Variants in DNAH14 observed in about 807,000 individuals in gnomAD.
DNAH14 encodes the protein axonemal beta dynein heavy chain 14.
DNAH14 carries 478 observed loss-of-function variants against 520.9 expected under a neutral mutation model. The ratio of observed to expected loss-of-function variants is 0.92; its 90% CI spans 0.85 to 0.99. The LOEUF is 0.99. Among genes scored for constraint, DNAH14 ranks in the 50% least tolerant of loss-of-function variants. The probability of loss-of-function intolerance (pLI) is 0.00; values close to 1 mark genes in which losing one functional copy is unlikely to be tolerated. For synonymous variants in DNAH14, 1,581 were observed against 1,757.2 expected, an observed-to-expected ratio of 0.90 and a Z score of 2.51; for missense variants, 4,831 against 5,234.5, an observed-to-expected ratio of 0.92 and a Z score of 2.38.
In DNAH14 at chr1:225,053,063, G is replaced by C. The variant is rs376083793; in HGVS notation, c.2424+1268G>C. ...TCCACTTTTAAGGATATTTCCCAGGGGTACCCCCACACTTTTGCTTTTATT... is the reference window on the plus strand; with the variant it reads ...TCCACTTTTAAGGATATTTCCCAGGCGTACCCCCACACTTTTGCTTTTATT... On this transcript the variant is annotated intron_variant, in intron 17 of 85. Coordinates refer to ENST00000682510, the MANE Select transcript of DNAH14 (RefSeq NM_001367479.1). 6.6e-5 allele frequency among the ~76,000 whole-genome samples: 10 copies of C among 152,112 alleles called. No homozygotes were observed. In the East Asian group the frequency reaches 1.7e-3, roughly 27 times the overall value.
intron 43 of DNAH14, among the ~76,000 whole-genome samples, chr1:225,241,940 C>T (rs140473179): frequency 1.3e-5 from 2 of 152,270 alleles, no homozygotes; most frequent in Non-Finnish European, 2.9e-5. Flanking sequence ...TTTCTTTCTT[C>T]AGGCTGTGTG....
At chr1:225,229,736 AG>A (rs919915347) in intron 41 of DNAH14, among the ~76,000 whole-genome samples, 5 of 149,758 alleles carry the variant, frequency 3.3e-5, no homozygotes, top group Non-Finnish European at 5.9e-5. Context: ...TATGGGCACA[AG>A]GGGGGAACAT....
At chr1:225,222,057 G>A (rs369883660) in intron 41 of DNAH14, among the ~76,000 whole-genome samples, 44 of 152,272 alleles carry the variant, frequency 2.9e-4, no homozygotes, top group Middle Eastern at 3.4e-3. Context: ...CCCTAGCCAC[G>A]CTGTCAGGCA....
At chr1:225,051,948 A>G (rs2068578300) in intron 17 of DNAH14, among the ~76,000 whole-genome samples, 153 bp downstream of exon 17, 1 of 152,238 alleles carries the variant, frequency 6.6e-6, no homozygotes, top group Non-Finnish European at 1.5e-5. Context: ...TTATACTCAG[A>G]AAATTTTAAT....
chr1:224,999,123 T>G (rs188193106), intron 8 of DNAH14, among the ~76,000 whole-genome samples: 3 of 148,042 alleles, frequency 2.0e-5, no homozygotes, highest in Non-Finnish European at 4.4e-5. Context: ...TTCCCATCCT[T>G]TTACTTTTGA....
intron 23 of DNAH14, among the ~76,000 whole-genome samples, chr1:225,107,160 T>G (rs1318689522): frequency 6.6e-6 from 1 of 152,204 alleles, no homozygotes; most frequent in Non-Finnish European, 1.5e-5. Flanking sequence ...CCTGTTTGCC[T>G]GGGTATCAGC....
At chr1:225,016,618 T>C (rs1262307316) in intron 10 of DNAH14, among the ~76,000 whole-genome samples, 2 of 152,212 alleles carry the variant, frequency 1.3e-5, no homozygotes, top group Non-Finnish European at 2.9e-5. Context: ...TTAGCTATTA[T>C]TTCATTAAAC....
At chr1:225,353,942 T>C in intron 73 of DNAH14, 54 bp downstream of exon 73, 1 of 1,051,004 alleles carries the variant, frequency 9.5e-7, no homozygotes, top group Non-Finnish European at 1.4e-6. Flanking sequence ...AGTGCTTTAT[T>C]AGTAACTTAA....
intron 66 of DNAH14, among the ~76,000 whole-genome samples, chr1:225,336,115 A>G (rs2095046567): frequency 6.7e-6 from 1 of 149,728 alleles, no homozygotes; most frequent in East Asian, 2.0e-4. Context: ...GTATAAGACT[A>G]CACATATGTA....
At chr1:225,083,398 G>T (rs2073367833) in intron 20 of DNAH14, among the ~76,000 whole-genome samples, 1 of 151,978 alleles carries the variant, frequency 6.6e-6, no homozygotes, top group Admixed American at 6.6e-5. Context: ...AATTTAAAAA[G>T]AATTTTTTAA....
chr1:225,342,581 C>G (rs963505691), intron 69 of DNAH14, among the ~76,000 whole-genome samples: 2 of 151,812 alleles, frequency 1.3e-5, no homozygotes, highest in African/African-American at 4.8e-5. Context: ...AAATGTTTAT[C>G]TGAGATTCAT....
chr1:224,951,475 G>T (rs2060166544), intron 1 of DNAH14, among the ~76,000 whole-genome samples: 1 of 151,418 alleles, frequency 6.6e-6, no homozygotes, highest in Admixed American at 6.6e-5. Context: ...TATGGTCAAA[G>T]TTGTATCCTT....
rs2096057288 is a variant in DNAH14, at chr1:225,398,508, C to A, written c.13492-12C>A. 6.4e-7 allele frequency: 1 copy of A among 1,551,392 alleles called. No homozygotes were observed. The highest frequency in any genetic ancestry group is 1.4e-5 in the African/African-American group (1 of 73,186). ...CCTGGGGATCCCTGACACCACCTCT[C>A]TTCCATCTTAGGGCTCAGCTTCCTC... On this transcript the variant is annotated splice_polypyrimidine_tract_variant and intron_variant, in intron 84 of 85. Transcript: ENST00000682510.
chr1:225,351,957 C>T (rs774399839), intron 72 of DNAH14, 74 bp downstream of exon 72: 99 of 1,196,570 alleles, frequency 8.3e-5, no homozygotes, highest in Non-Finnish European at 1.1e-4. Context: ...TTGTAAATGT[C>T]GTACATTATC....
intron 17 of DNAH14, among the ~76,000 whole-genome samples, chr1:225,071,322 T>C (rs12078470): frequency 0.042 from 6,354 of 152,236 alleles, 387 homozygotes; most frequent in African/African-American, 0.13. Flanking sequence ...TTGGTAATGG[T>C]CTTTCATTTT....
In DNAH14 at chr1:225,335,683, ACG is replaced by A. The variant is rs1334004299; in HGVS notation, c.10081-1581_10081-1580del. On this transcript the variant is annotated intron_variant, in intron 66 of 85. Transcript: ENST00000682510. ...TATACATATGTGCATATATGTATAT[ACG>A]CATATATACATATGTGCATATATGT... Among the ~76,000 whole-genome samples, 110 of 94,114 alleles carry A rather than the reference ACG, an allele frequency of 1.2e-3. 24 individuals carry two copies. Among genetic ancestry groups the A allele is most frequent in the Admixed American group, 2.3e-3 (25 of 11,032 alleles). 61.7% of individuals were successfully genotyped at this position (94,114 alleles called of 152,430 possible).
At chr1:225,384,309 G>A (rs1245187501) in intron 81 of DNAH14, among the ~76,000 whole-genome samples, 1 of 152,138 alleles carries the variant, frequency 6.6e-6, no homozygotes, top group Non-Finnish European at 1.5e-5. Context: ...TTTCTGACTT[G>A]TTGATCTGTC....
intron 23 of DNAH14, among the ~76,000 whole-genome samples, chr1:225,104,232 A>G (rs2075805125): frequency 6.6e-6 from 1 of 152,194 alleles, no homozygotes; most frequent in Non-Finnish European, 1.5e-5. Flanking sequence ...CCAGGGATGA[A>G]GCCCACTTGA....
chr1:225,398,718 G>A lies in DNAH14; in HGVS notation c.13638+52G>A. The A allele has an allele frequency of 3.9e-6, 6 of 1,536,760 alleles. 1 individual carries two copies. The highest frequency in any genetic ancestry group is 2.4e-5 in the South Asian group (2 of 82,704). On this transcript the variant is annotated intron_variant, in intron 85 of 85. Coordinates refer to ENST00000682510, the MANE Select transcript of DNAH14 (RefSeq NM_001367479.1). ...TCCTAAACCTCTGAGCGTTGCTTCAGTAATATACAAACCACTCTTATTCCC... is the reference window on the plus strand; with the variant it reads ...TCCTAAACCTCTGAGCGTTGCTTCAATAATATACAAACCACTCTTATTCCC...
Sources: allele counts gnomAD v4.1 joint callset (sites outside exome capture counted in the v4.1 genomes callset), GRCh38; gene constraint gnomAD v4.1.1; transcripts MANE v1.5; gene names NCBI Gene and HGNC (gene_info 2026-07-23, HGNC 2026-07-21).